The following PCDHGA4 variants were observed in gnomAD, a reference collection of about 807,000 sequenced individuals.
The protein encoded by PCDHGA4 is protocadherin gamma-A4.
PCDHGA4 carries 38 observed loss-of-function variants against 54.6 expected under a neutral mutation model. The ratio of observed to expected loss-of-function variants is 0.70; its 90% confidence interval spans 0.54 to 0.91. The LOEUF is 0.91. PCDHGA4 is among the 40% of genes least tolerant of loss of function. The pLI, the probability that PCDHGA4 is intolerant of heterozygous loss-of-function variation, is 0.00. For synonymous variants in PCDHGA4, 511 were observed against 512.9 expected (o/e 1.00, Z 0.05); for missense variants, 1,298 against 1,220.9 (o/e 1.06, Z -0.94).
Position 141,432,632 on chromosome 5 carries a change from G to T in PCDHGA4, c.2515-62175G>T. ...CTTCTCGGTGGGTCTGCACACGGGCGAGGTGCGCACGGCGCGAGCCCTGCT... is the reference window on the plus strand; with the variant it reads ...CTTCTCGGTGGGTCTGCACACGGGCTAGGTGCGCACGGCGCGAGCCCTGCT... On this transcript the variant is annotated intron_variant, in intron 1 of 3. Transcript: ENST00000571252. This position sits in a 1 kb window ranked among gnomAD's most constrained non-coding sequence, Gnocchi z 6.0. The T allele has an allele frequency of 6.2e-7, 1 of 1,612,834 alleles. No homozygotes were observed. Among genetic ancestry groups the T allele is most frequent in the South Asian group, 1.1e-5 (1 of 90,976 alleles).
Position 141,414,833 on chromosome 5 carries a change from G to A in PCDHGA4, c.2514+57212G>A, listed in dbSNP as rs768992312. On this transcript the variant is annotated intron_variant, in intron 1 of 3. Coordinates refer to ENST00000571252, the MANE Select transcript of PCDHGA4 (RefSeq NM_018917.4). ...CCACTCAGCAGCAACGTGTCGTTGAGCCTGTTTGTGCTGGACCAGAACGAC... is the reference window on the plus strand; with the variant it reads ...CCACTCAGCAGCAACGTGTCGTTGAACCTGTTTGTGCTGGACCAGAACGAC... 1.9e-6 allele frequency: 3 copies of A among 1,614,098 alleles called. No homozygotes were observed. In the East Asian group the frequency reaches 6.7e-5, roughly 36 times the overall value.
At chr5:141,426,814 T>C (rs2096962370) in intron 1 of PCDHGA4, 1 of 456,592 alleles carries the variant, frequency 2.2e-6, no homozygotes, top group Admixed American at 2.3e-5. Flanking sequence ...AATGAACATT[T>C]CTCTCTGATG....
rs780665474 is a variant in PCDHGA4 at position 141,371,288 on chromosome 5, G to C, written c.2514+13667G>C. The C allele has an allele frequency of 2.5e-6, 4 of 1,613,874 alleles. No homozygotes were observed. The East Asian group carries it at 6.7e-5, about 27-fold the overall frequency. ...AACTGTTCAAGCTGGACAGTAAAAC[G>C]GGGGAACTCACCACTATTGGAGAAC... On this transcript the variant is annotated intron_variant, in intron 1 of 3. Transcript: ENST00000571252.
intron 2 of PCDHGA4, among the ~76,000 whole-genome samples, chr5:141,504,355 C>T (rs974022699): frequency 6.6e-6 from 1 of 152,078 alleles, no homozygotes; most frequent in Non-Finnish European, 1.5e-5. Flanking sequence ...GTGCTAGGTG[C>T]TTCAGTAGGA....
intron 1 of PCDHGA4, among the ~76,000 whole-genome samples, chr5:141,470,256 A>G (rs1043528709): frequency 6.6e-6 from 1 of 152,228 alleles, no homozygotes; most frequent in African/African-American, 2.4e-5. Flanking sequence ...ACCTGTCTAA[A>G]TGGAGATACA....
chr5:141,490,811 A>G lies in PCDHGA4; in HGVS notation c.2515-3996A>G, dbSNP rs750702067. The G allele has an allele frequency of 1.2e-6, 2 of 1,613,918 alleles. No homozygotes were observed. The highest frequency in any genetic ancestry group is 8.5e-7 in the Non-Finnish European group (1 of 1,179,884). On this transcript the variant is annotated intron_variant, in intron 1 of 3. Coordinates refer to ENST00000571252, the MANE Select transcript of PCDHGA4 (RefSeq NM_018917.4). This position sits in a 1 kb window ranked among gnomAD's most constrained non-coding sequence, Gnocchi z 5.4. ...ATCTTTGCCCAGCGTACCTTTGACTATGAATTGCTGCAGATGCTGCAGATT... is the reference window on the plus strand; with the variant it reads ...ATCTTTGCCCAGCGTACCTTTGACTGTGAATTGCTGCAGATGCTGCAGATT...
chr5:141,401,283 G>A (rs751622626), intron 1 of PCDHGA4, among the ~76,000 whole-genome samples: 2 of 152,044 alleles, frequency 1.3e-5, no homozygotes, highest in Non-Finnish European at 2.9e-5. Flanking sequence ...TGGAGGTTGC[G>A]GTGAGCCGAG....
At chr5:141,501,557 G>A (rs192507373) in intron 2 of PCDHGA4, among the ~76,000 whole-genome samples, 1 of 152,124 alleles carries the variant, frequency 6.6e-6, no homozygotes, top group Non-Finnish European at 1.5e-5. Context: ...CATAGGCCCT[G>A]GAATCATATT....
At chr5:141,469,629 C>T (rs933972587) in intron 1 of PCDHGA4, among the ~76,000 whole-genome samples, 1 of 152,070 alleles carries the variant, frequency 6.6e-6, no homozygotes, top group Admixed American at 6.6e-5. Context: ...GTTTGTAGTT[C>T]CAAAATATTT....
chr5:141,441,836 C>T (rs1026890754), intron 1 of PCDHGA4: 2 of 354,006 alleles, frequency 5.6e-6, no homozygotes, highest in Non-Finnish European at 1.1e-5. Flanking sequence ...AATGGCTTCG[C>T]GCTCTTGGAT....
At chr5:141,394,224 A>G (rs375614946) in intron 1 of PCDHGA4, 380 of 1,613,788 alleles carry the variant, frequency 2.4e-4, no homozygotes, top group Middle Eastern at 1.3e-3. Context: ...AGGAGCCTCC[A>G]TCTTTTCCTT....
chr5:141,505,546 C>T (rs555460173), intron 3 of PCDHGA4, 65 bp downstream of exon 3: 36 of 1,608,242 alleles, frequency 2.2e-5, no homozygotes, highest in South Asian at 7.7e-5. Context: ...CATCTCACAG[C>T]CACCATGCCC....
intron 1 of PCDHGA4, among the ~76,000 whole-genome samples, chr5:141,358,460 G>A (rs1316337795): frequency 6.6e-6 from 1 of 152,076 alleles, no homozygotes; most frequent in South Asian, 2.1e-4. Context: ...AAGAATACTG[G>A]CAATTTGTGA....
At chr5:141,433,205 TTTC>T in intron 1 of PCDHGA4, 1 of 1,573,264 alleles carries the variant, frequency 6.4e-7, no homozygotes, top group Non-Finnish European at 8.6e-7. Context: ...TCAAATCTTC[TTTC>T]TTTTTTTTTT....
At chr5:141,362,777 T>C in intron 1 of PCDHGA4, 1 of 604,080 alleles carries the variant, frequency 1.7e-6, no homozygotes, top group Non-Finnish European at 2.8e-6. Flanking sequence ...TATTGCACTG[T>C]ATTTCTTTTT....
At chr5:141,418,685 G>A (rs750217981) in intron 1 of PCDHGA4, 1 of 1,614,056 alleles carries the variant, frequency 6.2e-7, no homozygotes, top group African/African-American at 1.3e-5. Context: ...CATCAACTCA[G>A]AGATCACTTA....
rs754579406 is a variant in PCDHGA4, at chr5:141,357,048, A to G, written c.1941A>G (p.Leu647=). The G allele has an allele frequency of 3.7e-6, 6 of 1,613,890 alleles. No individual in the cohort carries two copies. The highest frequency in any genetic ancestry group is 2.2e-5 in the East Asian group (1 of 44,874). The stretch of plus-strand genomic sequence containing the variant: ...TACTCAAGTCCAGCGAGCCGGGACT[A>G]TTTGCAGTGGGGCTGCACACAGGCG... ...YSLLKSSEPG[L]FAVGLHTGEV... Residue 647 remains leucine, a synonymous_variant, in exon 1 of 4, where the codon CTA becomes CTG. Coordinates refer to ENST00000571252, the MANE Select transcript of PCDHGA4 (RefSeq NM_018917.4).
rs1316631653 is a variant in PCDHGA4 at position 141,388,751 on chromosome 5, A to G, written c.2514+31130A>G. The G allele has an allele frequency of 4.3e-6, 7 of 1,613,980 alleles. No homozygotes were observed. In the Admixed American group the frequency reaches 5.0e-5, roughly 12 times the overall value. ...TCAGTGAAGCTAGCCAGATCACCCAATTTGACCTGAACTCTAACACCGGGG... is the reference window on the plus strand; with the variant it reads ...TCAGTGAAGCTAGCCAGATCACCCAGTTTGACCTGAACTCTAACACCGGGG... On this transcript the variant is annotated intron_variant, in intron 1 of 3. Coordinates refer to ENST00000571252, the MANE Select transcript of PCDHGA4 (RefSeq NM_018917.4).
At chr5:141,376,357 A>C (rs769629850) in intron 1 of PCDHGA4, 24 of 1,613,894 alleles carry the variant, frequency 1.5e-5, no homozygotes, top group Admixed American at 1.0e-4. Context: ...ACGAGGTCTC[A>C]CTCACTGCAG....
Sources: allele counts gnomAD v4.1 joint callset (sites outside exome capture counted in the v4.1 genomes callset), GRCh38; gene constraint gnomAD v4.1.1; non-coding constraint Gnocchi (gnomAD v3.1); transcripts MANE v1.5; gene names NCBI Gene and HGNC (gene_info 2026-07-23, HGNC 2026-07-21).